LRRIQ3: variants seen among roughly 807,000 people sequenced by gnomAD.
LRRIQ3 encodes leucine rich repeats and IQ motif containing 3, also known as leucine-rich repeat and IQ domain-containing protein 3.
In LRRIQ3, 75 loss-of-function variants were observed where a neutral mutation model predicts 59.3. That is an observed-to-expected ratio of 1.26 (90% CI 1.05 to 1.53). The LOEUF (loss-of-function observed/expected upper bound fraction) is 1.53. Ranked by LOEUF, LRRIQ3 falls within the 40% of genes most tolerant of loss-of-function variation. LRRIQ3 has a pLI of 0.00. For missense variants in LRRIQ3, 831 were observed against 710.0 expected (o/e 1.17, Z -1.94); for synonymous variants, 250 against 231.3 (o/e 1.08, Z -0.73).
rs1283746086 is a variant in LRRIQ3 at position 74,110,422 on chromosome 1, G to C, written c.708-869C>G. 2.6e-5 allele frequency among the ~76,000 whole-genome samples: 4 copies of C among 152,056 alleles called. No homozygotes were observed. In the East Asian group the frequency reaches 7.7e-4, roughly 29 times the overall value. ...TAAAACTCACTACGTCAACAAATTA[G>C]TGGAGGAAAAAAGTGTGATTATATA... On this transcript the variant is annotated intron_variant, in intron 4 of 7. Coordinates refer to ENST00000354431, the MANE Select transcript of LRRIQ3 (RefSeq NM_001105659.2).
intron 4 of LRRIQ3, among the ~76,000 whole-genome samples, chr1:74,144,203 G>T (rs1250502019): frequency 6.6e-6 from 1 of 151,594 alleles, no homozygotes; most frequent in African/African-American, 2.4e-5. Context: ...CCTGACCTTT[G>T]GTCTAATTTC....
chr1:74,047,188 A>G (rs1011699751), intron 6 of LRRIQ3, among the ~76,000 whole-genome samples: 3 of 152,188 alleles, frequency 2.0e-5, no homozygotes, highest in African/African-American at 7.2e-5. Flanking sequence ...ACTTGGAACC[A>G]ACCCAAATGC....
At chr1:74,164,037 T>C (rs1384825050) in intron 3 of LRRIQ3, among the ~76,000 whole-genome samples, 1 of 151,634 alleles carries the variant, frequency 6.6e-6, no homozygotes, top group Non-Finnish European at 1.5e-5. Context: ...CATCTGTATA[T>C]ACCCTTTGGT....
At chr1:74,195,239 G>A (rs1651031477) in intron 1 of LRRIQ3, among the ~76,000 whole-genome samples, 1 of 152,146 alleles carries the variant, frequency 6.6e-6, no homozygotes, top group African/African-American at 2.4e-5. Flanking sequence ...AGGGTAACAG[G>A]AGGAAACAGT....
intron 4 of LRRIQ3, among the ~76,000 whole-genome samples, chr1:74,120,768 TAGAA>T (rs1646843849): frequency 1.3e-5 from 2 of 152,054 alleles, no homozygotes; most frequent in South Asian, 4.1e-4. Flanking sequence ...TTATTTTTAT[TAGAA>T]AGAGTGTTAA....
rs1646460414 is a variant in LRRIQ3 at position 74,097,133 on chromosome 1, A to G, written c.867+12261T>C. ...TCTGCTGCCTTTTGGGGGAAGTTTG[A>G]ACACATCACAAAGAAGCTAAAATCC... is the stretch of plus-strand genomic sequence containing the variant. On this transcript the variant is annotated intron_variant, in intron 5 of 7. Coordinates refer to ENST00000354431, the MANE Select transcript of LRRIQ3 (RefSeq NM_001105659.2). Among the ~76,000 whole-genome samples the G allele has an allele frequency of 2.0e-5, 3 of 152,148 alleles. No individual in the cohort carries two copies. The South Asian group carries it at 6.2e-4, about 31-fold the overall frequency.
intron 7 of LRRIQ3, among the ~76,000 whole-genome samples, chr1:74,033,901 G>A (rs958303798): frequency 2.6e-5 from 4 of 151,948 alleles, no homozygotes; most frequent in Non-Finnish European, 5.9e-5. Flanking sequence ...CTCCTGGCTT[G>A]AACAGTATCA....
intron 4 of LRRIQ3, among the ~76,000 whole-genome samples, chr1:74,134,469 G>A (rs1647086385): frequency 6.6e-6 from 1 of 151,836 alleles, no homozygotes; most frequent in Non-Finnish European, 1.5e-5. Context: ...ATGAGTAATA[G>A]AAATTATAAA....
chr1:74,121,211 A>G (rs1177407624), intron 4 of LRRIQ3, among the ~76,000 whole-genome samples: 1 of 152,180 alleles, frequency 6.6e-6, no homozygotes, highest in Non-Finnish European at 1.5e-5. Flanking sequence ...TGGTCTACAG[A>G]GATATTATAC....
chr1:74,179,012 A>G (rs1649806557), intron 3 of LRRIQ3, among the ~76,000 whole-genome samples: 2 of 152,094 alleles, frequency 1.3e-5, no homozygotes, highest in Admixed American at 6.6e-5. Context: ...ACAAGGAAGG[A>G]CTTCCTATAT....
At chr1:74,105,122 AT>A (rs1244678919) in intron 5 of LRRIQ3, among the ~76,000 whole-genome samples, 1 of 152,030 alleles carries the variant, frequency 6.6e-6, no homozygotes, top group African/African-American at 2.4e-5. Context: ...ACATATTTGA[AT>A]TTTTAAAAAG....
chr1:74,195,070 C>G (rs969373468), intron 1 of LRRIQ3, among the ~76,000 whole-genome samples: 1 of 152,094 alleles, frequency 6.6e-6, no homozygotes, highest in Non-Finnish European at 1.5e-5. Context: ...GAATGTTTCT[C>G]TGCACTACAG....
Position 74,182,831 on chromosome 1 carries a change from T to C in LRRIQ3, c.280A>G (p.Asn94Asp). The C allele has an allele frequency of 6.5e-7, 1 of 1,542,982 alleles. No individual in the cohort carries two copies. The highest frequency in any genetic ancestry group is 8.7e-7 in the Non-Finnish European group (1 of 1,144,186). ...AGTAGTTTTAGGTTCTTCAATCCAT[T>C]CCAAAATTTGGTATTTGGTAGACTC... ...IKSLPNTKFW[N>D]GLKNLKLLYL... The change falls in exon 3 of 8, where the codon AAT (asparagine) becomes GAT (aspartate). Residue 94 changes from asparagine (N) to aspartate (D), a missense_variant. Coordinates refer to ENST00000354431, the MANE Select transcript of LRRIQ3 (RefSeq NM_001105659.2).
chr1:74,053,405 C>A (rs900886600), intron 6 of LRRIQ3, among the ~76,000 whole-genome samples: 3 of 152,066 alleles, frequency 2.0e-5, no homozygotes, highest in Admixed American at 6.6e-5. Flanking sequence ...ATTAAAATTT[C>A]TGCCCTGCAA....
intron 4 of LRRIQ3, among the ~76,000 whole-genome samples, chr1:74,142,714 A>G (rs1647314691): frequency 6.6e-6 from 1 of 152,040 alleles, no homozygotes; most frequent in Non-Finnish European, 1.5e-5. Flanking sequence ...CCCATAAAGA[A>G]GCAGACAGAG....
At chr1:74,146,818 A>T (rs1399041130) in intron 4 of LRRIQ3, among the ~76,000 whole-genome samples, 1 of 152,252 alleles carries the variant, frequency 6.6e-6, no homozygotes, top group Admixed American at 6.5e-5. Flanking sequence ...TTATCTGATG[A>T]TTCTAATCCA....
intron 4 of LRRIQ3, among the ~76,000 whole-genome samples, chr1:74,147,046 T>G (rs562562873): frequency 6.6e-6 from 1 of 151,980 alleles, no homozygotes; most frequent in Admixed American, 6.5e-5. Context: ...TGGGCAACAT[T>G]GCGAAACTCC....
intron 1 of LRRIQ3, among the ~76,000 whole-genome samples, chr1:74,191,232 A>C (rs768620742): frequency 9.2e-5 from 14 of 152,136 alleles, no homozygotes; most frequent in Non-Finnish European, 1.9e-4. Context: ...AAAAGAAATA[A>C]ATTCTGTTAG....
chr1:74,048,504 C>T lies in LRRIQ3; in HGVS notation c.998-6571G>A, dbSNP rs193056859. Among the ~76,000 whole-genome samples the T allele has an allele frequency of 2.6e-3, 392 of 152,180 alleles. 2 individuals are homozygous for T. Among genetic ancestry groups the T allele is most frequent in the African/African-American group, 9.0e-3 (372 of 41,538 alleles). ...TAAAATTACATATGATCTCAGTGAACGATTAAGTAGCTTCTGGCTTCCTAG... is the reference window on the plus strand; with the variant it reads ...TAAAATTACATATGATCTCAGTGAATGATTAAGTAGCTTCTGGCTTCCTAG... On this transcript the variant is annotated intron_variant, in intron 6 of 7. Transcript: ENST00000354431.
Sources: gnomAD v4.1 joint callset for allele counts (sites outside exome capture counted in the v4.1 genomes callset) on GRCh38, gnomAD v4.1.1 for gene constraint, MANE v1.5 for transcripts, NCBI Gene and HGNC (gene_info 2026-07-23, HGNC 2026-07-21) for gene names.